The following ALPK1 variants were observed in gnomAD, a reference collection of about 807,000 sequenced individuals.
ALPK1 encodes alpha-protein kinase 1.
In ALPK1, 110 loss-of-function variants were observed where a neutral mutation model predicts 120.6. The ratio of observed to expected loss-of-function variants is 0.91; its 90% confidence interval spans 0.78 to 1.07. The LOEUF (loss-of-function observed/expected upper bound fraction) is 1.07. Ranked by LOEUF, ALPK1 falls within the 50% of genes least tolerant of loss-of-function variation. The pLI is 0.00. For missense variants in ALPK1, 1,498 were observed against 1,483.9 expected (o/e 1.01, Z -0.16); for synonymous variants, 582 against 560.3 (o/e 1.04, Z -0.55).
intron 5 of ALPK1, chr4:112,414,980 A>G (rs1733669517): frequency 6.6e-6 from 1 of 152,244 alleles, no homozygotes; most frequent in African/African-American, 2.4e-5. Flanking sequence ...ATTTGCATCA[A>G]GCTGGAATTC....
intron 2 of ALPK1, chr4:112,358,070 G>A (rs550723896): frequency 4.6e-5 from 27 of 584,814 alleles, no homozygotes; most frequent in African/African-American, 1.3e-4. Flanking sequence ...TAGCCCCCAC[G>A]CATGGACCCC....
At chr4:112,313,676 T>C (rs769788692) in intron 1 of ALPK1, among the ~76,000 whole-genome samples, 1 of 152,126 alleles carries the variant, frequency 6.6e-6, no homozygotes, top group Non-Finnish European at 1.5e-5. Flanking sequence ...TGAGTCAAGA[T>C]TGCCTCATTG....
chr4:112,358,335 G>T, intron 2 of ALPK1: 1 of 595,280 alleles, frequency 1.7e-6, no homozygotes, highest in Non-Finnish European at 3.1e-6. Context: ...CAGTTCTTCC[G>T]TGTTGCTGAG....
At chr4:112,371,726 G>A (rs1392731584) in intron 2 of ALPK1, among the ~76,000 whole-genome samples, 1 of 152,122 alleles carries the variant, frequency 6.6e-6, no homozygotes, top group East Asian at 1.9e-4. Context: ...TGCAAGTGAG[G>A]AAACCAAAGC....
At chr4:112,322,069 C>A (rs1728889735) in intron 2 of ALPK1, among the ~76,000 whole-genome samples, 1 of 152,170 alleles carries the variant, frequency 6.6e-6, no homozygotes, top group African/African-American at 2.4e-5. Context: ...TGAATGACGG[C>A]AAACATTTGT....
intron 4 of ALPK1, chr4:112,384,602 T>G (rs1732068901): frequency 6.6e-6 from 1 of 152,184 alleles, no homozygotes; most frequent in Non-Finnish European, 1.5e-5. Flanking sequence ...AATTCTTGGG[T>G]GCAAATCAAA....
chr4:112,354,033 A>G (rs751396927), intron 2 of ALPK1, among the ~76,000 whole-genome samples: 6 of 152,110 alleles, frequency 3.9e-5, no homozygotes, highest in Non-Finnish European at 7.4e-5. Context: ...TCTTTTGTCT[A>G]TTCTTTTCCT....
At chr4:112,413,337 A>G (rs559442446) in intron 5 of ALPK1, among the ~76,000 whole-genome samples, 1 of 152,242 alleles carries the variant, frequency 6.6e-6, no homozygotes, top group Admixed American at 6.5e-5. Flanking sequence ...ATAGTGTGAC[A>G]TGGAAATTGA....
chr4:112,335,936 A>G (rs1475512150), intron 2 of ALPK1, among the ~76,000 whole-genome samples: 1 of 152,176 alleles, frequency 6.6e-6, no homozygotes, highest in Non-Finnish European at 1.5e-5. Flanking sequence ...TTTTTATAGC[A>G]TGTAAGTTCT....
intron 2 of ALPK1, chr4:112,343,550 C>T (rs1228382772): frequency 6.6e-6 from 1 of 152,180 alleles, no homozygotes; most frequent in African/African-American, 2.4e-5. Flanking sequence ...GCCATCTCCT[C>T]CGGTCAAATG....
intron 4 of ALPK1, among the ~76,000 whole-genome samples, chr4:112,405,340 C>T (rs1733118151): frequency 6.6e-6 from 1 of 152,192 alleles, no homozygotes; most frequent in African/African-American, 2.4e-5. Flanking sequence ...ATAATACCAA[C>T]TTTTGCTAGA....
At chr4:112,316,227 C>T (rs1465699518) in intron 2 of ALPK1, 1 of 152,186 alleles carries the variant, frequency 6.6e-6, no homozygotes, top group Non-Finnish European at 1.5e-5. Context: ...CTGGCAAACA[C>T]CATTCTCCTC....
At chr4:112,379,192 C>T (rs1006805930) in intron 3 of ALPK1, among the ~76,000 whole-genome samples, 1 of 152,252 alleles carries the variant, frequency 6.6e-6, no homozygotes, top group Non-Finnish European at 1.5e-5. Context: ...CTGATGAAGA[C>T]TCTGAGCTCC....
intron 2 of ALPK1, among the ~76,000 whole-genome samples, chr4:112,333,637 A>G (rs1213502381): frequency 2.6e-5 from 4 of 152,206 alleles, no homozygotes; most frequent in Admixed American, 6.5e-5. Context: ...TGGTAGATGA[A>G]CCCACATTAA....
At position 112,412,001 on chromosome 4, in the gene ALPK1, C is replaced by G; in HGVS notation, c.451C>G (p.Gln151Glu). Reference sequence around the variant, plus strand: ...AATTGCCCCGCAGGTGGTTATTCGCCAAGCCCGAATCTCCGTGAACTCAGG... The same window carrying G: ...AATTGCCCCGCAGGTGGTTATTCGCGAAGCCCGAATCTCCGTGAACTCAGG... Reference protein sequence around the residue: ...TPIAPQVVIRQARISVNSGKL... With the variant: ...TPIAPQVVIREARISVNSGKL... The change falls in exon 5 of 16, where the codon CAA becomes GAA. Residue 151 changes from glutamine to glutamate, a missense_variant. Transcript: ENST00000650871. 1.2e-6 allele frequency: 2 copies of G among 1,614,132 alleles called. No individual in the cohort carries two copies. Among genetic ancestry groups the G allele is most frequent in the African/African-American group, 2.7e-5 (2 of 75,054 alleles).
chr4:112,438,692 T>C (rs763777765), intron 13 of ALPK1, 46 bp downstream of exon 13: 9 of 1,582,004 alleles, frequency 5.7e-6, no homozygotes, highest in Non-Finnish European at 7.8e-6. Context: ...AAATCACACT[T>C]GAATATCAAT....
intron 11 of ALPK1, among the ~76,000 whole-genome samples, chr4:112,433,212 G>T (rs1373232488): frequency 1.3e-5 from 2 of 152,164 alleles, no homozygotes; most frequent in Non-Finnish European, 2.9e-5. Context: ...GCCATCAACT[G>T]GGTAGCATAT....
intron 5 of ALPK1, chr4:112,412,282 C>A: frequency 1.6e-6 from 1 of 618,534 alleles, no homozygotes; most frequent in Admixed American, 2.3e-5. Context: ...CTAATTGGAG[C>A]TTTTGTCTTC....
At chr4:112,429,338 TAA>T in intron 10 of ALPK1, 85 bp downstream of exon 10, 1 of 1,078,364 alleles carries the variant, frequency 9.3e-7, no homozygotes, top group Non-Finnish European at 1.3e-6. Flanking sequence ...GGGAAAGGTT[TAA>T]CCTTCAAACA....
Sources: allele counts gnomAD v4.1 joint callset (sites outside exome capture counted in the v4.1 genomes callset), GRCh38; gene constraint gnomAD v4.1.1; transcripts MANE v1.5; gene names NCBI Gene and HGNC (gene_info 2026-07-23, HGNC 2026-07-21).